The following ZNF618 variants were observed in gnomAD, a reference collection of about 807,000 sequenced individuals.
ZNF618 encodes zinc finger protein 618, also known as neural precursor cell expressed, developmentally down-regulated 10.
A neutral mutation model predicts 103.0 loss-of-function variants in ZNF618; 34 were observed. The observed-to-expected ratio is 0.33, with a 90% CI of 0.25 to 0.44. The LOEUF is 0.44. Among genes scored for constraint, ZNF618 ranks in the 20% least tolerant of loss-of-function variants. The pLI, the probability that ZNF618 is intolerant of heterozygous loss-of-function variation, is 1.00. For synonymous variants in ZNF618, 551 were observed against 542.2 expected, an observed-to-expected ratio of 1.02 and a Z score of -0.23; for missense variants, 1,059 against 1,295.4, an observed-to-expected ratio of 0.82 and a Z score of 2.80.
chr9:113,960,226 C>T (rs531239105), intron 1 of ZNF618, among the ~76,000 whole-genome samples: 5 of 152,228 alleles, frequency 3.3e-5, no homozygotes, highest in South Asian at 2.1e-4. Context: ...TTCCCCAAAC[C>T]GCCATCATCT....
chr9:113,912,022 A>T (rs951635038), intron 1 of ZNF618, among the ~76,000 whole-genome samples: 2 of 152,152 alleles, frequency 1.3e-5, no homozygotes, highest in Non-Finnish European at 2.9e-5. Context: ...ACCCCCAGAG[A>T]TTCTGATTCA....
At chr9:113,914,849 G>A (rs1257231404) in intron 1 of ZNF618, among the ~76,000 whole-genome samples, 2 of 152,138 alleles carry the variant, frequency 1.3e-5, no homozygotes, top group Non-Finnish European at 2.9e-5. Flanking sequence ...CAACTTGGAT[G>A]TAACAGTCAG....
chr9:113,926,124 C>T (rs1473738471), intron 1 of ZNF618, among the ~76,000 whole-genome samples: 1 of 149,388 alleles, frequency 6.7e-6, no homozygotes, highest in Non-Finnish European at 1.5e-5. Context: ...AGGATAATTT[C>T]ACTGGATCAG....
At chr9:114,031,723 C>T (rs1016582340) in intron 11 of ZNF618, among the ~76,000 whole-genome samples, 1 of 152,172 alleles carries the variant, frequency 6.6e-6, no homozygotes, top group African/African-American at 2.4e-5. Flanking sequence ...TTTGCGGAGC[C>T]TTTGATATCT....
chr9:113,967,768 A>C (rs1027268541), intron 1 of ZNF618, among the ~76,000 whole-genome samples: 3 of 104,500 alleles, frequency 2.9e-5, no homozygotes, highest in Admixed American at 1.8e-4. Flanking sequence ...GCAAGTGTGG[A>C]TGCCCGCTGG....
intron 1 of ZNF618, among the ~76,000 whole-genome samples, chr9:113,941,231 G>A (rs947319502): frequency 6.6e-6 from 1 of 151,986 alleles, no homozygotes. Flanking sequence ...GACCTCCAAG[G>A]GCATTTACAT....
At chr9:113,917,370 C>T (rs1016066427) in intron 1 of ZNF618, among the ~76,000 whole-genome samples, 8 of 151,338 alleles carry the variant, frequency 5.3e-5, no homozygotes, top group African/African-American at 1.2e-4. Context: ...CTCAGCCTCC[C>T]GTGTAGGGAG....
chr9:113,958,514 C>T lies in ZNF618; in HGVS notation c.34-10603C>T, dbSNP rs72761028. On this transcript the variant is annotated intron_variant, in intron 1 of 14. Transcript: ENST00000374126. Reference sequence around the variant, plus strand: ...GCTGGCACTACATAGATGGAAAGACCCTGTTCCAAGCACAACTAGCTCATT... The same window carrying T: ...GCTGGCACTACATAGATGGAAAGACTCTGTTCCAAGCACAACTAGCTCATT... 6.9e-3 allele frequency among the ~76,000 whole-genome samples: 1,046 copies of T among 152,306 alleles called. 14 individuals are homozygous for T. The highest frequency in any genetic ancestry group is 0.012 in the Non-Finnish European group (794 of 68,022).
intron 2 of ZNF618, among the ~76,000 whole-genome samples, chr9:113,982,146 A>G (rs1445290654): frequency 6.6e-6 from 1 of 152,256 alleles, no homozygotes; most frequent in African/African-American, 2.4e-5. Flanking sequence ...AGTAATTTAC[A>G]AACTTCACTG....
At chr9:114,018,094 T>C (rs960004025) in intron 10 of ZNF618, among the ~76,000 whole-genome samples, 1 of 152,230 alleles carries the variant, frequency 6.6e-6, no homozygotes, top group Non-Finnish European at 1.5e-5. Flanking sequence ...ATCTGGATTA[T>C]AGACATCTCT....
chr9:113,909,074 G>A (rs1831256924), intron 1 of ZNF618, among the ~76,000 whole-genome samples: 1 of 151,944 alleles, frequency 6.6e-6, no homozygotes, highest in Admixed American at 6.6e-5. Context: ...AGGAGTCTGG[G>A]GTTCGAGGCG....
At chr9:113,885,922 G>A (rs1211085051) in intron 1 of ZNF618, among the ~76,000 whole-genome samples, 3 of 152,184 alleles carry the variant, frequency 2.0e-5, no homozygotes, top group Non-Finnish European at 2.9e-5. Flanking sequence ...AAGCTAAAGC[G>A]AATAAATGGA....
intron 13 of ZNF618, among the ~76,000 whole-genome samples, chr9:114,038,471 G>A (rs771607048): frequency 2.0e-5 from 3 of 152,192 alleles, no homozygotes; most frequent in Non-Finnish European, 4.4e-5. Flanking sequence ...ACACTGAATC[G>A]GGATTAAAGG....
At chr9:113,947,963 G>A (rs1161967857) in intron 1 of ZNF618, among the ~76,000 whole-genome samples, 3 of 152,136 alleles carry the variant, frequency 2.0e-5, no homozygotes, top group African/African-American at 4.8e-5. Context: ...CCCTTTGGTC[G>A]CCATGTTGCC....
At chr9:114,031,421 G>C (rs1844019100) in intron 11 of ZNF618, among the ~76,000 whole-genome samples, 1 of 152,206 alleles carries the variant, frequency 6.6e-6, no homozygotes. Context: ...GGGATGACAG[G>C]GGTCGGGGGG....
At chr9:114,034,251 A>G (rs1844375568) in intron 12 of ZNF618, among the ~76,000 whole-genome samples, 1 of 152,220 alleles carries the variant, frequency 6.6e-6, no homozygotes, top group Non-Finnish European at 1.5e-5. Context: ...AACCTCTCCA[A>G]GAGGTGGGCC....
chr9:113,919,031 T>G (rs552408567), intron 1 of ZNF618, among the ~76,000 whole-genome samples: 1 of 152,306 alleles, frequency 6.6e-6, no homozygotes, highest in African/African-American at 2.4e-5. Context: ...ATTAGCAGTT[T>G]AGGAGGGGAG....
At chr9:113,876,463 C>T (rs1303389882) in intron 1 of ZNF618, 50 bp downstream of exon 1, 1 of 1,165,054 alleles carries the variant, frequency 8.6e-7, no homozygotes, top group Non-Finnish European at 1.1e-6. Flanking sequence ...CCCGGGGGGC[C>T]GGGGCCCGGG....
chr9:113,897,619 C>T (rs938872160), intron 1 of ZNF618, among the ~76,000 whole-genome samples: 1 of 152,090 alleles, frequency 6.6e-6, no homozygotes, highest in African/African-American at 2.4e-5. Flanking sequence ...TATCCATATA[C>T]CCCTATTGTT....
Sources: allele counts gnomAD v4.1 joint callset (sites outside exome capture counted in the v4.1 genomes callset), GRCh38; gene constraint gnomAD v4.1.1; transcripts MANE v1.5; gene names NCBI Gene and HGNC (gene_info 2026-07-23, HGNC 2026-07-21).